Variants in TTF2 observed in about 807,000 individuals in gnomAD.
TTF2 encodes the protein transcription termination factor 2.
Under a neutral mutation model 142.4 loss-of-function variants are expected in TTF2, and 108 were observed. The observed-to-expected ratio is 0.76, with a 90% CI of 0.65 to 0.89. TTF2 has a LOEUF of 0.89. Ranked by LOEUF, TTF2 falls within the 40% of genes least tolerant of loss-of-function variation. The pLI is 0.00. For synonymous variants in TTF2, 483 were observed against 506.2 expected (o/e 0.95, Z 0.61); for missense variants, 1,327 against 1,379.8 (o/e 0.96, Z 0.61).
At chr1:117,089,675 C>A (rs1648391190) in intron 13 of TTF2, among the ~76,000 whole-genome samples, 1 of 152,020 alleles carries the variant, frequency 6.6e-6, no homozygotes, top group Non-Finnish European at 1.5e-5. Context: ...GGTGACAGAG[C>A]AAGACCTCAG....
In TTF2 at chr1:117,075,928, A is replaced by G. The variant is rs1225873493; in HGVS notation, c.1275+69A>G. 6.6e-7 allele frequency: 1 copy of G among 1,523,406 alleles called. No homozygotes were observed. The highest frequency in any genetic ancestry group is 1.4e-5 in the African/African-American group (1 of 72,074). The allele number at this position is 1,523,406 out of a possible 1,614,324, so 94.4% of individuals were successfully genotyped here. ...TTGTTATGGGCAGATATGAGATCTCATTGCTACAGAAGGGTTAAATATGTT... is the reference window on the plus strand; with the variant it reads ...TTGTTATGGGCAGATATGAGATCTCGTTGCTACAGAAGGGTTAAATATGTT... On this transcript the variant is annotated intron_variant, in intron 5 of 22. Coordinates refer to ENST00000369466, the MANE Select transcript of TTF2 (RefSeq NM_003594.4). This position sits in a 1 kb window ranked among gnomAD's most constrained non-coding sequence, Gnocchi z 4.5.
rs966142196 is a variant in TTF2 at position 117,099,431 on chromosome 1, G to A, written c.3344+524G>A. Among the ~76,000 whole-genome samples, 13 of 152,080 alleles carry A rather than the reference G, an allele frequency of 8.5e-5. No individual in the cohort carries two copies. Among genetic ancestry groups the A allele is most frequent in the African/African-American group, 3.1e-4 (13 of 41,400 alleles). On this transcript the variant is annotated intron_variant, in intron 22 of 22. Coordinates refer to ENST00000369466, the MANE Select transcript of TTF2 (RefSeq NM_003594.4). The surrounding 1 kb of genome is among the most constrained non-coding windows in gnomAD (Gnocchi z 4.3). ...TAAAATTAATAAAACACTATTATCT[G>A]ATCTACAGATCTTTTCAATCTCACT...
At chr1:117,096,088 C>T in intron 19 of TTF2, 61 bp from the exon 20 acceptor site, 3 of 1,580,600 alleles carry the variant, frequency 1.9e-6, no homozygotes, top group Non-Finnish European at 2.6e-6. Flanking sequence ...GCATTAAAGC[C>T]CTGCAGATGA....
intron 19 of TTF2, 139 bp from the exon 20 acceptor site, chr1:117,096,010 C>T (rs1337613492): frequency 2.4e-6 from 2 of 837,578 alleles, no homozygotes; most frequent in African/African-American, 3.4e-5. Flanking sequence ...AAATGTGTGC[C>T]TTCTCCCTTA....
Position 117,088,334 on chromosome 1 carries a change from G to A in TTF2, c.2161-467G>A, listed in dbSNP as rs1222945601. 3.9e-5 allele frequency among the ~76,000 whole-genome samples: 6 copies of A among 152,094 alleles called. No individual in the cohort carries two copies. In the East Asian group the frequency reaches 7.7e-4, roughly 20 times the overall value. Reference sequence around the variant, plus strand: ...GGGTGGATCACGAGGTCAGGAGATCGAGACCATCCTGGCTAACACGATGAA... The same window carrying A: ...GGGTGGATCACGAGGTCAGGAGATCAAGACCATCCTGGCTAACACGATGAA... On this transcript the variant is annotated intron_variant, in intron 12 of 22. Transcript: ENST00000369466.
chr1:117,064,078 A>G (rs921200175), intron 3 of TTF2, among the ~76,000 whole-genome samples: 4 of 152,166 alleles, frequency 2.6e-5, no homozygotes, highest in Non-Finnish European at 5.9e-5. Flanking sequence ...TCATTGCACA[A>G]TTGTTACATA....
intron 2 of TTF2, among the ~76,000 whole-genome samples, chr1:117,062,120 T>C (rs1655731516): frequency 6.6e-6 from 1 of 152,144 alleles, no homozygotes; most frequent in African/African-American, 2.4e-5. Flanking sequence ...GGGATCCCAG[T>C]GTAGAGATTA....
rs1022003736 is a variant in TTF2 at position 117,092,470 on chromosome 1, T to G, written c.2806-261T>G. 3.3e-5 allele frequency among the ~76,000 whole-genome samples: 5 copies of G among 152,240 alleles called. No homozygotes were observed. Among genetic ancestry groups the G allele is most frequent in the Non-Finnish European group, 7.3e-5 (5 of 68,046 alleles). On this transcript the variant is annotated intron_variant, in intron 17 of 22. Coordinates refer to ENST00000369466, the MANE Select transcript of TTF2 (RefSeq NM_003594.4). The surrounding 1 kb of genome is among the most constrained non-coding windows in gnomAD (Gnocchi z 4.4). ...TGTATTCTGATTATCAACATCTCAA[T>G]TATATTCTAGCTTGGAAAAAATAGA... is the stretch of plus-strand genomic sequence containing the variant.
At chr1:117,095,393 G>A in intron 19 of TTF2, 26 bp downstream of exon 19, 2 of 1,608,894 alleles carry the variant, frequency 1.2e-6, no homozygotes, top group Non-Finnish European at 8.5e-7. Flanking sequence ...CATTATCCAA[G>A]TATTGGTCAT....
rs1472270981 is a variant in TTF2 at position 117,107,063 on chromosome 1, C to T, written c.*5539C>T. On this transcript the variant is annotated 3_prime_UTR_variant, in exon 23 of 23. Coordinates refer to ENST00000369466, the MANE Select transcript of TTF2 (RefSeq NM_003594.4). ...TGCATCTTGTTGACGCTTCAATGCT[C>T]ACAATTCAAAGGTGATTTCTGAAGC... is the stretch of plus-strand genomic sequence containing the variant. 2.6e-5 allele frequency: 4 copies of T among 152,180 alleles called. No homozygotes were observed. The highest frequency in any genetic ancestry group is 9.6e-5 in the African/African-American group (4 of 41,452). The allele number at this position is 152,180 out of a possible 1,614,324, so 9.4% of individuals were successfully genotyped here. A position where few individuals can be genotyped will look rare whatever the true frequency, so the allele number is the denominator to read the frequency against.
In TTF2 at chr1:117,096,293, C is replaced by T; in HGVS notation, c.3180C>T (p.Gly1060=). Residue 1060 remains glycine (G), a synonymous_variant, in exon 20 of 23, where the codon GGC becomes GGT. Transcript: ENST00000369466. ...TAGAGGCATTTAACCACTCCAGAGG[C>T]CCTCAGGTACAAGCTGGTCACATCA... is the stretch of plus-strand genomic sequence containing the variant. The part of the protein sequence containing the change: ...DLVEAFNHSR[G]PQVMLISLLA... The T allele has an allele frequency of 6.2e-7, 1 of 1,614,026 alleles. No individual in the cohort carries two copies. Among genetic ancestry groups the T allele is most frequent in the Non-Finnish European group, 8.5e-7 (1 of 1,179,964 alleles).
In TTF2 at chr1:117,070,410, G is replaced by A. The variant is rs1464713026; in HGVS notation, c.219-3251G>A. On this transcript the variant is annotated intron_variant, in intron 3 of 22. Coordinates refer to ENST00000369466, the MANE Select transcript of TTF2 (RefSeq NM_003594.4). This position sits in a 1 kb window ranked among gnomAD's most constrained non-coding sequence, Gnocchi z 4.2. ...ATACTGCAGGCATTTGTAACACAGT[G>A]CTAAGTATTTGTATATCTAAACAAA... Among the ~76,000 whole-genome samples the A allele has an allele frequency of 6.6e-6, 1 of 152,208 alleles. No homozygotes were observed. The highest frequency in any genetic ancestry group is 1.9e-4 in the East Asian group (1 of 5,200).
chr1:117,066,691 A>G (rs1172752044), intron 3 of TTF2, among the ~76,000 whole-genome samples: 1 of 131,652 alleles, frequency 7.6e-6, no homozygotes, highest in Non-Finnish European at 1.5e-5. Flanking sequence ...TGGACTAATC[A>G]TGTCTTTTTT....
intron 7 of TTF2, among the ~76,000 whole-genome samples, chr1:117,077,520 A>G (rs1657115371): frequency 6.6e-6 from 1 of 152,196 alleles, no homozygotes; most frequent in Non-Finnish European, 1.5e-5. Flanking sequence ...AAGACTGAGG[A>G]GAGACATGAG....
In TTF2 at chr1:117,101,452, A is replaced by G; in HGVS notation, c.3417A>G (p.Gln1139=). Residue 1139 remains glutamine, a synonymous_variant, in exon 23 of 23, where the codon CAA becomes CAG. Coordinates refer to ENST00000369466, the MANE Select transcript of TTF2 (RefSeq NM_003594.4). The surrounding 1 kb of genome is among the most constrained non-coding windows in gnomAD (Gnocchi z 5.9). Reference sequence around the variant, plus strand: ...AAAAAAAGAAAGATTTGGCCAAACAAGTTCTATCAGGGTCTGGAGAATCTG... The same window carrying G: ...AAAAAAAGAAAGATTTGGCCAAACAGGTTCTATCAGGGTCTGGAGAATCTG... ...LQEKKKDLAK[Q]VLSGSGESVT... 4 of 1,611,806 alleles carry G rather than the reference A, an allele frequency of 2.5e-6. No individual in the cohort carries two copies. In the South Asian group the frequency reaches 4.4e-5, roughly 18 times the overall value.
At chr1:117,074,809 G>C in intron 4 of TTF2, 61 bp from the exon 5 acceptor site, 2 of 1,416,476 alleles carry the variant, frequency 1.4e-6, no homozygotes, top group Non-Finnish European at 1.9e-6. Context: ...AAAAGGAAAG[G>C]CATTCTAGAT....
intron 18 of TTF2, chr1:117,094,804 G>A (rs1413219929): frequency 3.8e-5 from 14 of 369,196 alleles, no homozygotes; most frequent in South Asian, 1.0e-4. Flanking sequence ...GACAAGGACC[G>A]TGATAATAGA....
chr1:117,097,896 T>G lies in TTF2; in HGVS notation c.3269+463T>G, dbSNP rs187505904. Among the ~76,000 whole-genome samples, 86 of 152,358 alleles carry G rather than the reference T, an allele frequency of 5.6e-4. No homozygotes were observed. Among genetic ancestry groups the G allele is most frequent in the Middle Eastern group, 3.4e-3 (1 of 294 alleles). On this transcript the variant is annotated intron_variant, in intron 21 of 22. Coordinates refer to ENST00000369466, the MANE Select transcript of TTF2 (RefSeq NM_003594.4). This position sits in a 1 kb window ranked among gnomAD's most constrained non-coding sequence, Gnocchi z 4.1. The stretch of plus-strand genomic sequence containing the variant: ...AGAAATACACTTAATACCTCACCCT[T>G]GGATTCATTGTATGTAGTGTTAATA...
rs777534125 is a variant in TTF2, at chr1:117,084,068, C to T, written c.1954C>T (p.Leu652=). Residue 652 remains leucine (L), a synonymous_variant, in exon 11 of 23, where the codon CTG becomes TTG. Coordinates refer to ENST00000369466, the MANE Select transcript of TTF2 (RefSeq NM_003594.4). ...HGTLIICPAS[L]IHHWKNEVEK... is the part of the protein sequence containing the mutation. ...AACACTAATCATCTGTCCTGCCTCC[C>T]TGATCCATCATTGGAAAAATGAGGT... The T allele has an allele frequency of 6.2e-7, 1 of 1,614,220 alleles. No homozygotes were observed. Among genetic ancestry groups the T allele is most frequent in the Non-Finnish European group, 8.5e-7 (1 of 1,180,036 alleles).
Sources: gnomAD v4.1 joint callset for allele counts (sites outside exome capture counted in the v4.1 genomes callset) on GRCh38, gnomAD v4.1.1 for gene constraint, Gnocchi (gnomAD v3.1) non-coding constraint, MANE v1.5 for transcripts, NCBI Gene and HGNC (gene_info 2026-07-23, HGNC 2026-07-21) for gene names.